SENP2: variants seen among roughly 807,000 people sequenced by gnomAD.
SENP2 encodes the protein sentrin-specific protease 2.
SENP2 carries 16 observed loss-of-function variants against 86.3 expected under a neutral mutation model. That is an observed-to-expected ratio of 0.19 (90% CI 0.13 to 0.28). The LOEUF (loss-of-function observed/expected upper bound fraction) is 0.28, where lower values mean the gene tolerates loss of function less well. Among genes scored for constraint, SENP2 ranks in the 10% least tolerant of loss-of-function variants. SENP2 has a pLI of 1.00. For missense variants in SENP2, 552 were observed against 703.0 expected (o/e 0.79, Z 2.43); for synonymous variants, 222 against 238.7 (o/e 0.93, Z 0.64).
rs1034908739 is a variant in SENP2, at chr3:185,586,616, A to T, written c.101+102A>T. 1.8e-6 allele frequency: 2 copies of T among 1,115,004 alleles called. No individual in the cohort carries two copies. Among genetic ancestry groups the T allele is most frequent in the Non-Finnish European group, 2.6e-6 (2 of 759,932 alleles). 69.1% of individuals were successfully genotyped at this position (1,115,004 alleles called of 1,614,324 possible). On this transcript the variant is annotated intron_variant, in intron 1 of 16. Coordinates refer to ENST00000296257, the MANE Select transcript of SENP2 (RefSeq NM_021627.3). The surrounding 1 kb of genome is among the most constrained non-coding windows in gnomAD (Gnocchi z 4.3). ...TGATTCAGCCAGGCTCACCCGAAAC[A>T]GGTCGCCGGGATCCTAGTGACGTAG...
chr3:185,602,850 A>AAAG (rs1455003122), intron 5 of SENP2, among the ~76,000 whole-genome samples: 1 of 149,806 alleles, frequency 6.7e-6, no homozygotes, highest in African/African-American at 2.4e-5. Flanking sequence ...AAAAAAAAAA[A>AAAG]AAAAAAAGTT....
chr3:185,595,027 G>C (rs1362447961), intron 2 of SENP2, among the ~76,000 whole-genome samples: 1 of 152,096 alleles, frequency 6.6e-6, no homozygotes, highest in Non-Finnish European at 1.5e-5. Flanking sequence ...CCTGGCTCAG[G>C]CTCATGACCT....
At chr3:185,627,101 A>T (rs1022754692) in intron 16 of SENP2, among the ~76,000 whole-genome samples, 22 of 151,770 alleles carry the variant, frequency 1.4e-4, no homozygotes, top group African/African-American at 5.1e-4. Flanking sequence ...AAAAAAAAAA[A>T]AAAAAATAGT....
rs1712510977 is a variant in SENP2, at chr3:185,632,224, GTTTTTTTTTTTT to G, written c.*2381_*2392del. On this transcript the variant is annotated 3_prime_UTR_variant, in exon 17 of 17. Transcript: ENST00000296257. ...CATTAAAGCCAGTGGTTTTTTTTTT[GTTTTTTTTTTTT>G]GTTTTTTTTTTTTTTTTTTGCGACA... The G allele has an allele frequency of 1.4e-5, 1 of 71,902 alleles. No homozygotes were observed. Among genetic ancestry groups the G allele is most frequent in the Non-Finnish European group, 2.9e-5 (1 of 34,116 alleles). 4.5% of individuals were successfully genotyped at this position (71,902 alleles called of 1,614,324 possible).
intron 2 of SENP2, among the ~76,000 whole-genome samples, chr3:185,592,842 C>T (rs889857834): frequency 6.6e-6 from 1 of 152,130 alleles, no homozygotes; most frequent in Admixed American, 6.6e-5. Flanking sequence ...GTCTCAAGCT[C>T]CTGACCTCAA....
At chr3:185,623,944 G>T (rs1712016615) in intron 14 of SENP2, 54 bp from the exon 15 acceptor site, 1 of 1,046,936 alleles carries the variant, frequency 9.6e-7, no homozygotes, top group Non-Finnish European at 1.5e-6. Flanking sequence ...TAACCATAAT[G>T]GTTAATTTCT....
chr3:185,600,720 C>T, intron 4 of SENP2, 45 bp from the exon 5 acceptor site: 4 of 1,281,466 alleles, frequency 3.1e-6, no homozygotes, highest in African/African-American at 1.5e-5. Flanking sequence ...AGACTGTTTG[C>T]AAGTGATTTT....
At chr3:185,605,897 T>C (rs1410852236) in intron 5 of SENP2, among the ~76,000 whole-genome samples, 1 of 152,206 alleles carries the variant, frequency 6.6e-6, no homozygotes, top group Non-Finnish European at 1.5e-5. Context: ...TGTACTAAGA[T>C]AACAGTGGTG....
chr3:185,628,632 A>G (rs35598169), intron 16 of SENP2, among the ~76,000 whole-genome samples: 103,352 of 152,068 alleles, frequency 0.68, 35,610 homozygotes, highest in Middle Eastern at 0.76. Context: ...TCAGCCTCCC[A>G]AGTAACCGTG....
At chr3:185,592,034 T>TTTTTTTTTTTTTTTA (rs1722024459) in intron 2 of SENP2, among the ~76,000 whole-genome samples, 4 of 114,584 alleles carry the variant, frequency 3.5e-5, no homozygotes, top group East Asian at 2.2e-4. Context: ...TTTTTTTTTT[T>TTTTTTTTTTTTTTTA]GAGACAGGAT....
chr3:185,627,992 G>T (rs1293806297), intron 16 of SENP2, among the ~76,000 whole-genome samples: 1 of 152,044 alleles, frequency 6.6e-6, no homozygotes, highest in Admixed American at 6.6e-5. Context: ...AAAAATAAAG[G>T]CATTTATTGC....
At chr3:185,626,441 A>T in intron 16 of SENP2, 48 bp downstream of exon 16, 1 of 1,345,258 alleles carries the variant, frequency 7.4e-7, no homozygotes, top group Non-Finnish European at 1.1e-6. Flanking sequence ...AAGCAAGATA[A>T]GGCACTTGGC....
chr3:185,611,036 G>A (rs1399904604), intron 7 of SENP2, among the ~76,000 whole-genome samples: 1 of 152,168 alleles, frequency 6.6e-6, no homozygotes, highest in African/African-American at 2.4e-5. Context: ...AGCGCTTTGG[G>A]AGGCCGAGGC....
intron 2 of SENP2, among the ~76,000 whole-genome samples, chr3:185,590,729 T>C (rs1165391960): frequency 3.6e-5 from 5 of 138,930 alleles, no homozygotes; most frequent in African/African-American, 1.1e-4. Context: ...AGCCAAGTGG[T>C]GCACGCCTAT....
intron 16 of SENP2, among the ~76,000 whole-genome samples, chr3:185,627,022 T>TGAGCC (rs764578948): frequency 2.6e-4 from 36 of 140,054 alleles, no homozygotes; most frequent in Middle Eastern, 3.9e-3. Context: ...GAGGTTGTGG[T>TGAGCC]GAGCCGAGAT....
intron 2 of SENP2, among the ~76,000 whole-genome samples, chr3:185,592,673 A>G (rs1722046146): frequency 2.7e-5 from 4 of 150,876 alleles, no homozygotes; most frequent in Non-Finnish European, 5.9e-5. Context: ...CTGGAGTGCA[A>G]TGGCACATTC....
At chr3:185,624,912 AT>A (rs1712071949) in intron 15 of SENP2, among the ~76,000 whole-genome samples, 1 of 152,058 alleles carries the variant, frequency 6.6e-6, no homozygotes, top group Non-Finnish European at 1.5e-5. Flanking sequence ...AAGCTTTGAA[AT>A]TTCCTAAGGA....
intron 2 of SENP2, 77 bp from the exon 3 acceptor site, chr3:185,598,333 AGG>A: frequency 4.2e-6 from 6 of 1,431,876 alleles, no homozygotes; most frequent in Non-Finnish European, 5.8e-6. Flanking sequence ...AAATTGAGAG[AGG>A]CTCTTTCCAA....
chr3:185,605,753 T>A (rs563566321), intron 5 of SENP2, among the ~76,000 whole-genome samples: 3 of 152,082 alleles, frequency 2.0e-5, no homozygotes, highest in African/African-American at 7.2e-5. Flanking sequence ...TTTGTTGCAT[T>A]GTTGGTAATG....
Sources: gnomAD v4.1 joint callset for allele counts (sites outside exome capture counted in the v4.1 genomes callset) on GRCh38, gnomAD v4.1.1 for gene constraint, Gnocchi (gnomAD v3.1) non-coding constraint, MANE v1.5 for transcripts, NCBI Gene and HGNC (gene_info 2026-07-23, HGNC 2026-07-21) for gene names.